The following KMT2D variants were observed in gnomAD, a reference collection of about 807,000 sequenced individuals.
The protein encoded by KMT2D is histone-lysine N-methyltransferase 2D.
In KMT2D, 55 loss-of-function variants were observed where a neutral mutation model predicts 512.7. The ratio of observed to expected loss-of-function variants is 0.11; its 90% CI spans 0.09 to 0.13. The LOEUF is 0.13. Among genes scored for constraint, KMT2D ranks in the 10% least tolerant of loss-of-function variants. The probability of loss-of-function intolerance (pLI) is 1.00; values close to 1 mark genes in which losing one functional copy is unlikely to be tolerated. For synonymous variants in KMT2D, 2,995 were observed against 2,904.0 expected, an observed-to-expected ratio of 1.03 and a Z score of -1.01; for missense variants, 6,061 against 7,127.9, an observed-to-expected ratio of 0.85 and a Z score of 5.39.
At position 49,039,058 on chromosome 12, in the gene KMT2D, A is replaced by C; in HGVS notation, c.8367-69T>G. 1 of 1,521,076 alleles carries C rather than the reference A, an allele frequency of 6.6e-7. No homozygotes were observed. The highest frequency in any genetic ancestry group is 1.2e-5 in the South Asian group (1 of 85,542). The allele number at this position is 1,521,076 out of a possible 1,614,324, so 94.2% of individuals were successfully genotyped here. On this transcript the variant is annotated intron_variant, in intron 34 of 54. Transcript: ENST00000301067. The surrounding 1 kb of genome is among the most constrained non-coding windows in gnomAD (Gnocchi z 5.0). The stretch of plus-strand genomic sequence containing the variant: ...AGGAGCAAGAACATGGGCTTAGGGC[A>C]GTGAGGAAGGATAGAATTAATGCAG...
chr12:49,055,201 T>C (rs997864285), intron 2 of KMT2D, 75 bp downstream of exon 2: 4 of 1,568,876 alleles, frequency 2.5e-6, no homozygotes, highest in Admixed American at 1.7e-5. Context: ...ACTTAGCTCA[T>C]GTCCTTGTGC....
In KMT2D at chr12:49,053,020, T is replaced by G. The variant is rs1938175347; in HGVS notation, c.1007A>C (p.Asn336Thr). 6.2e-7 allele frequency: 1 copy of G among 1,613,824 alleles called. No homozygotes were observed. Residue 336 changes from asparagine (N) to threonine (T), a missense_variant, in exon 9 of 55, where the codon AAC becomes ACC. This residue lies in a region of KMT2D where 848 missense variants were observed against 838.5 expected (regional missense o/e 1.01). Transcript: ENST00000301067. ...AGAGTAGTTCTCAAACCACTCCGAG[T>G]TGGGATTCAGTTCTGCTGAGCCCGC... The part of the protein sequence containing the change: ...CGAGSAELNP[N>T]SEWFENYSLC...
rs1157905642 is a variant in KMT2D, at chr12:49,041,772, T to C, written c.6184-67A>G. On this transcript the variant is annotated intron_variant, in intron 30 of 54. Transcript: ENST00000301067. This position sits in a 1 kb window ranked among gnomAD's most constrained non-coding sequence, Gnocchi z 5.4. ...CTCATGCCCCGCCCCCATACTGTAG[T>C]GTTTTCACACTCCCTACCCAGAAGC... is the stretch of plus-strand genomic sequence containing the variant. 1.3e-6 allele frequency: 2 copies of C among 1,553,042 alleles called. No individual in the cohort carries two copies. Among genetic ancestry groups the C allele is most frequent in the South Asian group, 1.2e-5 (1 of 85,662 alleles).
Position 49,040,723 on chromosome 12 carries a change from G to A in KMT2D, c.7047C>T (p.Pro2349=), listed in dbSNP as rs1428850339. The change falls in exon 32 of 55, where the codon CCC becomes CCT. Residue 2349 remains proline, a synonymous_variant. Transcript: ENST00000301067. ...AAGCCTGGGCAGGGGGTGGCTCCTG[G>A]GGCCTTAGGCCCAAGCCCGGGCTCT... The part of the protein sequence containing the change: ...EPQSPGLGLR[P]QEPPPAQALA... 5.0e-6 allele frequency: 8 copies of A among 1,613,644 alleles called. No homozygotes were observed. The highest frequency in any genetic ancestry group is 6.8e-6 in the Non-Finnish European group (8 of 1,179,762).
rs1942965643 is a variant in KMT2D, at chr12:49,032,411, T to G, written c.12294A>C (p.Pro4098=). Residue 4098 remains proline, a synonymous_variant, in exon 40 of 55, where the codon CCA becomes CCC. Transcript: ENST00000301067. ...GGCTAACTTGCTGCTGCTGTTGTCC[T>G]GGAAGCCTCAGAGGTGGCTGCAGCT... ...SLQLQPPLRL[P]GQQQQQVSLL... 6.3e-7 allele frequency: 1 copy of G among 1,592,674 alleles called. No homozygotes were observed. The highest frequency in any genetic ancestry group is 1.3e-5 in the African/African-American group (1 of 74,252).
At chr12:49,028,650 T>C (rs879689292) in intron 46 of KMT2D, among the ~76,000 whole-genome samples, 178 bp downstream of exon 46, 4 of 152,192 alleles carry the variant, frequency 2.6e-5, no homozygotes, top group African/African-American at 9.7e-5. Flanking sequence ...ACGAGCCCCG[T>C]GAGGGCAGGA....
At chr12:49,034,687 G>C (rs375589611) in intron 36 of KMT2D, 21 bp from the exon 37 acceptor site, 82 of 1,610,008 alleles carry the variant, frequency 5.1e-5, no homozygotes, top group Non-Finnish European at 6.5e-5. Flanking sequence ...CCAAAGCACA[G>C]AAGATAAGTG....
At position 49,038,187 on chromosome 12, in the gene KMT2D, G is replaced by T. The variant is rs764475091; in HGVS notation, c.9169C>A (p.Leu3057Met). Residue 3057 changes from leucine (L) to methionine (M), a missense_variant, in exon 35 of 55, where the codon CTG becomes ATG. Physicochemically the swap from Leu to Met is conservative, Grantham distance 15. This residue lies in a region of KMT2D where 21 missense variants were observed against 74.3 expected (regional missense o/e 0.28). Coordinates refer to ENST00000301067, the MANE Select transcript of KMT2D (RefSeq NM_003482.4). The surrounding 1 kb of genome is among the most constrained non-coding windows in gnomAD (Gnocchi z 5.7). ...FDLLAYTDPE[L>M]DTGDKKDIFN... ...ATATCCTTCTTGTCCCCAGTGTCCA[G>T]CTCAGGATCAGTATATGCCAGCAGG... 9.9e-6 allele frequency: 16 copies of T among 1,613,852 alleles called. No homozygotes were observed. Among genetic ancestry groups the T allele is most frequent in the Non-Finnish European group, 1.4e-5 (16 of 1,179,898 alleles).
At chr12:49,049,578 G>T in intron 12 of KMT2D, 104 bp downstream of exon 12, 2 of 1,272,108 alleles carry the variant, frequency 1.6e-6, no homozygotes, top group Non-Finnish European at 2.1e-6. Flanking sequence ...GGATCTCCAA[G>T]TCTAGGATTC....
chr12:49,048,963 G>A (rs925309221), intron 13 of KMT2D, 142 bp downstream of exon 13: 103 of 688,132 alleles, frequency 1.5e-4, no homozygotes, highest in Admixed American at 1.5e-4. Context: ...AAAAACCTGC[G>A]GGCCAAGTGG....
rs1177312433 is a variant in KMT2D, at chr12:49,042,241, G to A, written c.5957C>T (p.Thr1986Ile). Residue 1986 changes from threonine (T) to isoleucine (I), a missense_variant, in exon 29 of 55, where the codon ACC (threonine) becomes ATC (isoleucine). Transcript: ENST00000301067. The surrounding 1 kb of genome is among the most constrained non-coding windows in gnomAD (Gnocchi z 4.4). ...GTCGCCCTCACCCTCCGTGGTGGGG[G>A]TTGTGGGGGTGGAGGGCGTGGTGCC... The part of the protein sequence containing the change: ...SGGTTPSTPT[T>I]PTTEGEGDGL... The A allele has an allele frequency of 6.3e-7, 1 of 1,590,394 alleles. No homozygotes were observed. The highest frequency in any genetic ancestry group is 8.6e-7 in the Non-Finnish European group (1 of 1,168,734).
rs765477601 is a variant in KMT2D, at chr12:49,028,055, G to A, written c.14469C>T (p.Pro4823=). ...TCTTTGGCTCAGTGCCTGCCCGGGC[G>A]GGGCTCTCTGGGAACAGCACCTCAT... ...NSYEVLFPES[P]ARAGTEPKKG... The change falls in exon 47 of 55, where the codon CCC becomes CCT. Residue 4823 remains proline (P), a synonymous_variant. Transcript: ENST00000301067. 8.7e-6 allele frequency: 14 copies of A among 1,613,858 alleles called. No individual in the cohort carries two copies. Among genetic ancestry groups the A allele is most frequent in the South Asian group, 3.3e-5 (3 of 91,082 alleles).
At position 49,039,258 on chromosome 12, in the gene KMT2D, G is replaced by A. The variant is rs750543398; in HGVS notation, c.8330C>T (p.Pro2777Leu). The change falls in exon 34 of 55, where the codon CCA becomes CTA. Residue 2777 changes from proline to leucine, a missense_variant. Around this residue, in one of 16 missense-constraint regions of KMT2D, gnomAD observed 527 missense variants for 578.9 expected, o/e 0.91. Coordinates refer to ENST00000301067, the MANE Select transcript of KMT2D (RefSeq NM_003482.4). The surrounding 1 kb of genome is among the most constrained non-coding windows in gnomAD (Gnocchi z 5.0). ...PSDDRLSRPP[P>L]PATPSSMDVN... Reference sequence around the variant, plus strand: ...ATCCATAGAGGAAGGCGTGGCTGGTGGAGGTGGCCGGGAGAGTCGGTCATC... The same window carrying A: ...ATCCATAGAGGAAGGCGTGGCTGGTAGAGGTGGCCGGGAGAGTCGGTCATC... 2 of 1,613,678 alleles carry A rather than the reference G, an allele frequency of 1.2e-6. No homozygotes were observed. Among genetic ancestry groups the A allele is most frequent in the South Asian group, 2.2e-5 (2 of 91,090 alleles).
chr12:49,041,712 G>C lies in KMT2D; in HGVS notation c.6184-7C>G, dbSNP rs769759749. 1 of 1,609,306 alleles carries C rather than the reference G, an allele frequency of 6.2e-7. No individual in the cohort carries two copies. Among genetic ancestry groups the C allele is most frequent in the Non-Finnish European group, 8.5e-7 (1 of 1,177,590 alleles). On this transcript the variant is annotated splice_polypyrimidine_tract_variant and splice_region_variant and intron_variant, in intron 30 of 54. Transcript: ENST00000301067. This position sits in a 1 kb window ranked among gnomAD's most constrained non-coding sequence, Gnocchi z 5.4. The stretch of plus-strand genomic sequence containing the variant: ...GGTTATCTTTGGCCTTTTGCTGAGG[G>C]ATATGGGACACAGCCTTAGGGCCTA...
chr12:49,048,296 G>A (rs1371764225), intron 14 of KMT2D, among the ~76,000 whole-genome samples: 2 of 152,218 alleles, frequency 1.3e-5, no homozygotes, highest in Admixed American at 1.3e-4. Flanking sequence ...AAGTTAAGAA[G>A]AAATTAAAGG....
chr12:49,036,478 A>ATTTT (rs34412400), intron 35 of KMT2D, among the ~76,000 whole-genome samples: 1 of 73,390 alleles, frequency 1.4e-5, no homozygotes, highest in Admixed American at 1.5e-4. Context: ...CACCCAGCTA[A>ATTTT]TTTTTTTTTT....
rs1305707259 is a variant in KMT2D, at chr12:49,041,244, G to A, written c.6526C>T (p.Pro2176Ser). 3.4e-5 allele frequency: 51 copies of A among 1,516,352 alleles called. No homozygotes were observed. Among genetic ancestry groups the A allele is most frequent in the Non-Finnish European group, 4.4e-5 (50 of 1,136,608 alleles). The allele number at this position is 1,516,352 out of a possible 1,614,324, so 93.9% of individuals were successfully genotyped here. A position where few individuals can be genotyped will look rare whatever the true frequency, so the allele number is the denominator to read the frequency against. ...QVPAQVPSQD[P>S]FGLAPAYPLE... ...GGATAGGCAGGGGCCAGTCCAAAGGGGTCCTGCGAAGGCACTTGGGCGGGC... is the reference window on the plus strand; with the variant it reads ...GGATAGGCAGGGGCCAGTCCAAAGGAGTCCTGCGAAGGCACTTGGGCGGGC... The change falls in exon 32 of 55, where the codon CCC (proline) becomes TCC (serine). Residue 2176 changes from proline to serine, a missense_variant. Physicochemically the swap from Pro to Ser is moderately conservative, Grantham distance 74. This residue lies in a region of KMT2D where 710 missense variants were observed against 647.3 expected (regional missense o/e 1.10). Transcript: ENST00000301067. The surrounding 1 kb of genome is among the most constrained non-coding windows in gnomAD (Gnocchi z 5.4).
In KMT2D at chr12:49,037,342, G is replaced by A. The variant is rs768766233; in HGVS notation, c.10014C>T (p.Ala3338=). The A allele has an allele frequency of 1.2e-6, 2 of 1,611,814 alleles. No individual in the cohort carries two copies. Among genetic ancestry groups the A allele is most frequent in the East Asian group, 2.2e-5 (1 of 44,836 alleles). ...TGGATGGAGCCAGGCGTTGCTGGAGGGCATGAGCTGGTGGCTGGGTGGGCA... is the reference window on the plus strand; with the variant it reads ...TGGATGGAGCCAGGCGTTGCTGGAGAGCATGAGCTGGTGGCTGGGTGGGCA... The part of the protein sequence containing the change: ...PLMPTQPPAH[A]LQQRLAPSMA... Residue 3338 remains alanine, a synonymous_variant, in exon 35 of 55, where the codon GCC becomes GCT. Coordinates refer to ENST00000301067, the MANE Select transcript of KMT2D (RefSeq NM_003482.4).
chr12:49,031,031 A>T lies in KMT2D; in HGVS notation c.13533T>A (p.Asp4511Glu), dbSNP rs1371741667. The change falls in exon 41 of 55, where the codon GAT (aspartate) becomes GAA (glutamate). Residue 4511 changes from aspartate (D) to glutamate (E), a missense_variant and splice_region_variant. Asp to Glu is a conservative substitution (Grantham distance 45). Coordinates refer to ENST00000301067, the MANE Select transcript of KMT2D (RefSeq NM_003482.4). ...GTGTCAAAGGCTTCCTTGCTGCTGC[A>T]TCCTAAGCCAAATAAGCCCATTGAA... is the stretch of plus-strand genomic sequence containing the variant. The part of the protein sequence containing the change: ...KLQGTPSNKE[D>E]AAARKPLTPK... 2 of 1,613,802 alleles carry T rather than the reference A, an allele frequency of 1.2e-6. No homozygotes were observed. The highest frequency in any genetic ancestry group is 1.7e-6 in the Non-Finnish European group (2 of 1,179,862).
Sources: gnomAD v4.1 joint callset for allele counts (sites outside exome capture counted in the v4.1 genomes callset) on GRCh38, gnomAD v4.1.1 for gene constraint, gnomAD v4.1.1 regional missense constraint, Gnocchi (gnomAD v3.1) non-coding constraint, MANE v1.5 for transcripts, NCBI Gene and HGNC (gene_info 2026-07-23, HGNC 2026-07-21) for gene names.